The following MAP2 variants were observed in gnomAD, a reference collection of about 807,000 sequenced individuals.
MAP2 encodes the protein microtubule-associated protein 2.
In MAP2, 14 loss-of-function variants were observed where a neutral mutation model predicts 137.6. The ratio of observed to expected loss-of-function variants is 0.10; its 90% confidence interval spans 0.07 to 0.16. MAP2 has a LOEUF of 0.16. MAP2 is among the 10% of genes least tolerant of loss of function. MAP2 has a pLI of 1.00. For missense variants in MAP2, 2,088 were observed against 2,191.5 expected (o/e 0.95, Z 0.94); for synonymous variants, 786 against 782.3 (o/e 1.00, Z -0.08).
At chr2:209,507,260 A>G (rs1231573121) in intron 1 of MAP2, among the ~76,000 whole-genome samples, 1 of 152,192 alleles carries the variant, frequency 6.6e-6, no homozygotes, top group Non-Finnish European at 1.5e-5. Flanking sequence ...CAATGGTAGT[A>G]TATTAAGAAC....
In MAP2 at chr2:209,678,621, A is replaced by G. The variant is rs1274943159; in HGVS notation, c.312A>G (p.Ala104=). 1.2e-6 allele frequency: 2 copies of G among 1,607,760 alleles called. No individual in the cohort carries two copies. ...AAGTAGTCACTGCTGAGGCTGTAGC[A>G]GTCCTGAAAGGTGAACAAGAGAAAG... ...IVQVVTAEAV[A]VLKGEQEKEA... Residue 104 remains alanine, a synonymous_variant, in exon 6 of 16, where the codon GCA becomes GCG. Coordinates refer to ENST00000682079, the MANE Select transcript of MAP2 (RefSeq NM_001375505.1).
intron 1 of MAP2, among the ~76,000 whole-genome samples, chr2:209,459,278 T>C (rs1702216444): frequency 6.6e-6 from 1 of 152,182 alleles, no homozygotes; most frequent in Admixed American, 6.5e-5. Flanking sequence ...CATATAGTTT[T>C]GAGGTTGAAT....
At chr2:209,555,280 A>G (rs1015049537) in intron 2 of MAP2, among the ~76,000 whole-genome samples, 18 of 152,218 alleles carry the variant, frequency 1.2e-4, no homozygotes, top group African/African-American at 4.1e-4. Context: ...ACAAGGATTT[A>G]TTACACTTAA....
At chr2:209,502,895 T>C (rs1364813732) in intron 1 of MAP2, among the ~76,000 whole-genome samples, 3 of 152,158 alleles carry the variant, frequency 2.0e-5, no homozygotes, top group Non-Finnish European at 2.9e-5. Context: ...TTTGGAAAAA[T>C]GTCTATTCAG....
chr2:209,613,744 C>T (rs918112301), intron 3 of MAP2, among the ~76,000 whole-genome samples: 3 of 152,178 alleles, frequency 2.0e-5, no homozygotes, highest in African/African-American at 2.4e-5. Context: ...ATTGGCTTAA[C>T]ATAGCTCTAA....
chr2:209,453,726 T>A (rs1700821147), intron 1 of MAP2, among the ~76,000 whole-genome samples: 1 of 152,098 alleles, frequency 6.6e-6, no homozygotes, highest in South Asian at 2.1e-4. Context: ...AAGGATTCCC[T>A]ATTCTTTCTT....
At chr2:209,430,044 G>A (rs1474371262) in intron 1 of MAP2, among the ~76,000 whole-genome samples, 1 of 151,690 alleles carries the variant, frequency 6.6e-6, no homozygotes, top group East Asian at 1.9e-4. Context: ...AATGTATTAA[G>A]TAATAGGCTG....
chr2:209,606,636 G>C (rs1030906227), intron 3 of MAP2, among the ~76,000 whole-genome samples: 1 of 152,102 alleles, frequency 6.6e-6, no homozygotes, highest in Non-Finnish European at 1.5e-5. Context: ...TTGGACATAT[G>C]AAAGAGCTTT....
intron 7 of MAP2, chr2:209,690,623 C>T (rs765499881): frequency 7.6e-5 from 98 of 1,288,006 alleles, no homozygotes; most frequent in Non-Finnish European, 9.2e-5. Flanking sequence ...GCTAGAGAGT[C>T]GGATGGCTGA....
At chr2:209,604,717 G>A (rs563765982) in intron 3 of MAP2, among the ~76,000 whole-genome samples, 1 of 152,238 alleles carries the variant, frequency 6.6e-6, no homozygotes, top group Admixed American at 6.5e-5. Context: ...AGAGAATGCT[G>A]TTAAGTTCTT....
chr2:209,623,801 T>C (rs562731505), intron 3 of MAP2, among the ~76,000 whole-genome samples: 2 of 152,300 alleles, frequency 1.3e-5, no homozygotes, highest in Admixed American at 1.3e-4. Context: ...CAGACCTTTC[T>C]TTTTAAAATA....
At chr2:209,640,076 C>T (rs2093896165) in intron 4 of MAP2, among the ~76,000 whole-genome samples, 1 of 152,118 alleles carries the variant, frequency 6.6e-6, no homozygotes, top group Non-Finnish European at 1.5e-5. Flanking sequence ...GCTCTTTCTT[C>T]CTAGAAAGCT....
chr2:209,563,361 G>T (rs180720309), intron 2 of MAP2, among the ~76,000 whole-genome samples: 100 of 151,120 alleles, frequency 6.6e-4, no homozygotes, highest in African/African-American at 2.3e-3. Flanking sequence ...TAAAAGTAAC[G>T]GCAAAAAATG....
chr2:209,601,627 G>T (rs1689982171), intron 3 of MAP2, among the ~76,000 whole-genome samples: 1 of 152,138 alleles, frequency 6.6e-6, no homozygotes, highest in Non-Finnish European at 1.5e-5. Flanking sequence ...CTCTTGTGCT[G>T]CCAGTAACTT....
At chr2:209,510,469 G>A (rs2061592867) in intron 2 of MAP2, among the ~76,000 whole-genome samples, 1 of 152,046 alleles carries the variant, frequency 6.6e-6, no homozygotes, top group South Asian at 2.1e-4. Context: ...ATTTGTAGAA[G>A]TGGGATTATG....
chr2:209,719,049 G>A (rs1443896709), intron 13 of MAP2, among the ~76,000 whole-genome samples: 2 of 152,176 alleles, frequency 1.3e-5, no homozygotes, highest in Non-Finnish European at 2.9e-5. Flanking sequence ...GAGAGAGAAA[G>A]TATTTTCATA....
chr2:209,456,958 T>G (rs1701676251), intron 1 of MAP2, among the ~76,000 whole-genome samples: 1 of 152,106 alleles, frequency 6.6e-6, no homozygotes. Context: ...GTGGCCCACT[T>G]CTTCCAACAC....
At chr2:209,708,700 A>G (rs1015718945) in intron 12 of MAP2, among the ~76,000 whole-genome samples, 9 of 152,190 alleles carry the variant, frequency 5.9e-5, no homozygotes, top group African/African-American at 1.9e-4. Context: ...CAGAAGATTC[A>G]TTGATTTTTT....
chr2:209,505,505 G>A (rs1195832148), intron 1 of MAP2, among the ~76,000 whole-genome samples: 1 of 152,062 alleles, frequency 6.6e-6, no homozygotes, highest in African/African-American at 2.4e-5. Flanking sequence ...TTTTCATGCA[G>A]TATTTGCTTT....
Sources: gnomAD v4.1 joint callset for allele counts (sites outside exome capture counted in the v4.1 genomes callset) on GRCh38, gnomAD v4.1.1 for gene constraint, MANE v1.5 for transcripts, NCBI Gene and HGNC (gene_info 2026-07-23, HGNC 2026-07-21) for gene names.